CUBN: variants seen among roughly 807,000 people sequenced by gnomAD.
The protein encoded by CUBN is 460 kDa receptor.
CUBN carries 282 observed loss-of-function variants against 405.3 expected under a neutral mutation model. The ratio of observed to expected loss-of-function variants is 0.70; its 90% CI spans 0.63 to 0.77. CUBN has a LOEUF of 0.77. Among genes scored for constraint, CUBN ranks in the 30% least tolerant of loss-of-function variants. The pLI is 0.00. For synonymous variants in CUBN, 1,684 were observed against 1,617.0 expected, an observed-to-expected ratio of 1.04 and a Z score of -0.99; for missense variants, 4,514 against 4,475.2, an observed-to-expected ratio of 1.01 and a Z score of -0.25.
rs573486610 is a variant in CUBN, at chr10:17,115,241, C to T, written c.720+230G>A. ...CCTGGGTGACAGAGTGAGGCTCCAT[C>T]TCAAAAAAAAAAAAAAAAAAAAATC... On this transcript the variant is annotated intron_variant, in intron 7 of 66. Transcript: ENST00000377833. Among the ~76,000 whole-genome samples, 12 of 31,918 alleles carry T rather than the reference C, an allele frequency of 3.8e-4. No individual in the cohort carries two copies. In the East Asian group the frequency reaches 9.3e-3, roughly 25 times the overall value. 20.9% of individuals were successfully genotyped at this position (31,918 alleles called of 152,430 possible).
At chr10:16,862,160 TCA>T (rs66664283) in intron 59 of CUBN, among the ~76,000 whole-genome samples, 1,380 of 131,182 alleles carry the variant, frequency 0.011, 12 homozygotes, top group Middle Eastern at 0.022. Context: ...TCTCTCTCTC[TCA>T]CACACACACA....
intron 31 of CUBN, among the ~76,000 whole-genome samples, chr10:16,981,205 A>ACACACACACACAC (rs1554804644): frequency 1.1e-4 from 17 of 152,174 alleles, no homozygotes; most frequent in East Asian, 3.9e-4. Context: ...ACACACACAG[A>ACACACACACACAC]AGAGAGAAGT....
chr10:16,948,830 A>T (rs966056154), intron 34 of CUBN, among the ~76,000 whole-genome samples: 5 of 152,176 alleles, frequency 3.3e-5, no homozygotes, highest in Middle Eastern at 3.2e-3. Context: ...TATAAACATG[A>T]TCAAGAACAA....
At chr10:17,046,152 A>T (rs1835127851) in intron 23 of CUBN, 58 bp from the exon 24 acceptor site, 3 of 1,479,130 alleles carry the variant, frequency 2.0e-6, no homozygotes, top group Non-Finnish European at 2.8e-6. Context: ...CTGTATAAAC[A>T]TTTAACATAA....
Position 16,939,076 on chromosome 10 carries a change from G to A in CUBN, c.5620C>T (p.His1874Tyr), listed in dbSNP as rs773947890. 2.5e-6 allele frequency: 4 copies of A among 1,613,816 alleles called. No individual in the cohort carries two copies. In the South Asian group the frequency reaches 3.3e-5, roughly 13 times the overall value. The change falls in exon 38 of 67, where the codon CAT becomes TAT. Residue 1874 changes from histidine (H) to tyrosine (Y), a missense_variant. Coordinates refer to ENST00000377833, the MANE Select transcript of CUBN (RefSeq NM_001081.4). ...ASPFWPENYPHNSNYQWTVNV... is the reference protein window; with the variant it reads ...ASPFWPENYPYNSNYQWTVNV... ...ACTGTCCATTGGTAATTGGAGTTAT[G>A]TGGGTAGTTTTCAGGCCAGAAAGGA...
Position 16,840,819 on chromosome 10 carries a change from G to T in CUBN, c.9826+66C>A, listed in dbSNP as rs1839324770. ...TTGAAATTTCGATATAATAAGCAGG[G>T]CATTCTTTTCAGTGCATAAATACAT... On this transcript the variant is annotated intron_variant, in intron 61 of 66. Coordinates refer to ENST00000377833, the MANE Select transcript of CUBN (RefSeq NM_001081.4). The T allele has an allele frequency of 1.2e-5, 16 of 1,365,698 alleles. No individual in the cohort carries two copies. In the Admixed American group the frequency reaches 2.5e-4, roughly 22 times the overall value. The allele number at this position is 1,365,698 out of a possible 1,614,324, so 84.6% of individuals were successfully genotyped here.
Position 17,126,785 on chromosome 10 carries a change from C to T in CUBN, c.363G>A (p.Glu121=). The T allele has an allele frequency of 6.2e-7, 1 of 1,614,160 alleles. No individual in the cohort carries two copies. Among genetic ancestry groups the T allele is most frequent in the South Asian group, 1.1e-5 (1 of 91,076 alleles). Residue 121 remains glutamate, a synonymous_variant, in exon 4 of 67, where the codon GAG becomes GAA. Transcript: ENST00000377833. ...YQLNSKLVDL[E]RKFQGLQQTV... ...CCTGCTGCAAGCCTTGGAATTTTCTCTCAAGATCCACCAGCTGGCAATAGG... is the reference window on the plus strand; with the variant it reads ...CCTGCTGCAAGCCTTGGAATTTTCTTTCAAGATCCACCAGCTGGCAATAGG...
chr10:16,969,977 G>T (rs1015628389), intron 31 of CUBN, among the ~76,000 whole-genome samples: 9 of 152,116 alleles, frequency 5.9e-5, no homozygotes, highest in African/African-American at 2.2e-4. Context: ...ACCCACAAAT[G>T]CAACTCCTAA....
chr10:16,869,775 G>C lies in CUBN; in HGVS notation c.9315C>G (p.Ser3105Arg). The change falls in exon 59 of 67, where the codon AGC becomes AGG. Residue 3105 changes from serine (S) to arginine (R), a missense_variant. Coordinates refer to ENST00000377833, the MANE Select transcript of CUBN (RefSeq NM_001081.4). Reference sequence around the variant, plus strand: ...CGCAGAATTTGCCAAGAAGGGGATCGCTGGTATTGGCACCATCGTAAATTG... The same window carrying C: ...CGCAGAATTTGCCAAGAAGGGGATCCCTGGTATTGGCACCATCGTAAATTG... ...YLAIYDGANT[S>R]DPLLGKFCGS... The C allele has an allele frequency of 6.2e-7, 1 of 1,614,044 alleles. No individual in the cohort carries two copies. The highest frequency in any genetic ancestry group is 1.1e-5 in the South Asian group (1 of 91,084).
At chr10:16,827,065 G>C (rs1282194890) in intron 66 of CUBN, among the ~76,000 whole-genome samples, 1 of 152,076 alleles carries the variant, frequency 6.6e-6, no homozygotes, top group Admixed American at 6.6e-5. Flanking sequence ...TACAGTGTCT[G>C]CTGGTCCTGT....
rs1326897937 is a variant in CUBN, at chr10:16,947,323, G to A, written c.5254C>T (p.Pro1752Ser). 5 of 1,613,908 alleles carry A rather than the reference G, an allele frequency of 3.1e-6. No homozygotes were observed. Among genetic ancestry groups the A allele is most frequent in the Non-Finnish European group, 3.4e-6 (4 of 1,179,940 alleles). ...FYMAEGIFNS[P>S]GYPDIYPPNV... is the part of the protein sequence containing the mutation. ...GGGGGATAAATGTCTGGGTAGCCAG[G>A]GCTGTTGAAGATGCCTTCAGCCATG... Residue 1752 changes from proline (P) to serine (S), a missense_variant, in exon 36 of 67, where the codon CCT (proline) becomes TCT (serine). Pro to Ser is a moderately conservative substitution (Grantham distance 74). Transcript: ENST00000377833.
intron 24 of CUBN, among the ~76,000 whole-genome samples, chr10:17,045,729 T>C (rs1302866919): frequency 6.6e-6 from 1 of 152,176 alleles, no homozygotes; most frequent in Non-Finnish European, 1.5e-5. Context: ...CCAGGATTCT[T>C]ATTTATTGAT....
At chr10:16,987,164 T>G (rs771612075) in intron 29 of CUBN, among the ~76,000 whole-genome samples, 5 of 152,208 alleles carry the variant, frequency 3.3e-5, no homozygotes, top group African/African-American at 7.2e-5. Context: ...TCTAAAGACT[T>G]TCTCAGAGAT....
At chr10:17,006,374 T>C (rs1321574347) in intron 28 of CUBN, among the ~76,000 whole-genome samples, 1 of 152,216 alleles carries the variant, frequency 6.6e-6, no homozygotes, top group Non-Finnish European at 1.5e-5. Flanking sequence ...CCCAGCTTAC[T>C]CACCCTCACA....
intron 28 of CUBN, among the ~76,000 whole-genome samples, chr10:17,001,271 T>C (rs1302790512): frequency 6.6e-6 from 1 of 152,214 alleles, no homozygotes; most frequent in Non-Finnish European, 1.5e-5. Flanking sequence ...GAACAAAGCT[T>C]CCACAGCGTG....
chr10:16,856,539 AGATCAATCT>A (rs1395732462), intron 59 of CUBN, among the ~76,000 whole-genome samples: 1 of 152,238 alleles, frequency 6.6e-6, no homozygotes, highest in Non-Finnish European at 1.5e-5. Flanking sequence ...GCTTAAGCCA[AGATCAATCT>A]GATAAGGGAA....
At chr10:16,874,125 T>C (rs1284166954) in intron 58 of CUBN, among the ~76,000 whole-genome samples, 3 of 152,206 alleles carry the variant, frequency 2.0e-5, no homozygotes, top group Non-Finnish European at 4.4e-5. Context: ...TCCTTCACAA[T>C]TGTTGGGAAA....
chr10:16,876,085 T>G (rs902761436), intron 57 of CUBN, among the ~76,000 whole-genome samples: 1 of 152,218 alleles, frequency 6.6e-6, no homozygotes, highest in African/African-American at 2.4e-5. Context: ...TTTAGTCTTC[T>G]CTGGAGATGG....
At chr10:17,057,383 T>C (rs1255458285) in intron 22 of CUBN, among the ~76,000 whole-genome samples, 2 of 152,244 alleles carry the variant, frequency 1.3e-5, no homozygotes, top group Middle Eastern at 3.4e-3. Context: ...GTCATGGCGC[T>C]GTTGGGCATG....
Sources: allele counts gnomAD v4.1 joint callset (sites outside exome capture counted in the v4.1 genomes callset), GRCh38; gene constraint gnomAD v4.1.1; transcripts MANE v1.5; gene names NCBI Gene and HGNC (gene_info 2026-07-23, HGNC 2026-07-21).